The following ZFHX3 variants were observed in gnomAD, a reference collection of about 807,000 sequenced individuals.
ZFHX3 encodes the protein zinc finger homeobox protein 3.
Under a neutral mutation model 279.1 loss-of-function variants are expected in ZFHX3, and 42 were observed. The ratio of observed to expected loss-of-function variants is 0.15; its 90% confidence interval spans 0.12 to 0.19. The LOEUF (loss-of-function observed/expected upper bound fraction) is 0.19, where lower values mean the gene tolerates loss of function less well. Ranked by LOEUF, ZFHX3 falls within the 10% of genes least tolerant of loss-of-function variation. The probability of loss-of-function intolerance (pLI) is 1.00; values close to 1 mark genes in which losing one functional copy is unlikely to be tolerated. For synonymous variants in ZFHX3, 2,293 were observed against 1,957.8 expected (o/e 1.17, Z -4.52); for missense variants, 4,981 against 4,754.0 (o/e 1.05, Z -1.40).
intron 7 of ZFHX3, among the ~76,000 whole-genome samples, chr16:73,127,935 G>A (rs1966600703): frequency 6.6e-6 from 1 of 152,172 alleles, no homozygotes; most frequent in Non-Finnish European, 1.5e-5. Context: ...TGTCCCTGCT[G>A]GGTAGAAGCA....
chr16:73,098,063 G>A (rs1394456062), intron 7 of ZFHX3, among the ~76,000 whole-genome samples: 1 of 130,856 alleles, frequency 7.6e-6, no homozygotes, highest in South Asian at 2.8e-4. Flanking sequence ...TGCGTCCCTT[G>A]TGTATCTATT....
At chr16:72,813,146 C>G (rs2036511140) in intron 5 of ZFHX3, among the ~76,000 whole-genome samples, 1 of 151,872 alleles carries the variant, frequency 6.6e-6, no homozygotes, top group Non-Finnish European at 1.5e-5. Context: ...GAATATGGGA[C>G]TCCATTTTTC....
rs941036202 is a variant in ZFHX3, at chr16:73,601,408, T to G, written c.-1547+78772A>C. Among the ~76,000 whole-genome samples the G allele has an allele frequency of 1.1e-3, 167 of 150,762 alleles. 1 individual carries two copies. The highest frequency in any genetic ancestry group is 3.8e-3 in the African/African-American group (154 of 41,010). On this transcript the variant is annotated intron_variant, in intron 2 of 17. Transcript: ENST00000641206. ...TCGCTTGAACCTGGGAGGTGGAGGT[T>G]GCAGTGAGCCGAGATCACGCCGCTG...
chr16:72,875,703 G>A (rs993905990), intron 4 of ZFHX3, among the ~76,000 whole-genome samples: 3 of 152,238 alleles, frequency 2.0e-5, no homozygotes, highest in African/African-American at 7.2e-5. Context: ...TAAGTCAGGT[G>A]TAACGAGATG....
intron 1 of ZFHX3, among the ~76,000 whole-genome samples, chr16:73,763,408 AC>A (rs943582559): frequency 4.6e-5 from 7 of 152,318 alleles, no homozygotes; most frequent in African/African-American, 1.4e-4. Context: ...ATCTGCATGA[AC>A]CCATTTATGT....
chr16:73,243,361 G>A (rs1199711258), intron 5 of ZFHX3, among the ~76,000 whole-genome samples: 1 of 152,146 alleles, frequency 6.6e-6, no homozygotes, highest in African/African-American at 2.4e-5. Flanking sequence ...CCATGGCTGT[G>A]TCCCACTCAC....
At chr16:73,792,623 G>A (rs1190945489) in intron 1 of ZFHX3, among the ~76,000 whole-genome samples, 18 of 152,168 alleles carry the variant, frequency 1.2e-4, no homozygotes, top group Non-Finnish European at 2.5e-4. Context: ...CCTCCTTTAA[G>A]TTAAAAGGGT....
At chr16:73,135,767 T>C (rs1000814346) in intron 6 of ZFHX3, among the ~76,000 whole-genome samples, 28 of 152,200 alleles carry the variant, frequency 1.8e-4, no homozygotes, top group African/African-American at 5.5e-4. Flanking sequence ...TCAACTAAAG[T>C]TGAGTAGCAG....
At chr16:73,540,204 G>A (rs568320979) in intron 2 of ZFHX3, among the ~76,000 whole-genome samples, 7 of 152,320 alleles carry the variant, frequency 4.6e-5, no homozygotes, top group South Asian at 2.1e-4. Flanking sequence ...AGAGGAAAAC[G>A]TCTTTAGCAG....
chr16:73,408,612 G>T (rs1272475352), intron 3 of ZFHX3, among the ~76,000 whole-genome samples: 1 of 152,300 alleles, frequency 6.6e-6, no homozygotes, highest in Non-Finnish European at 1.5e-5. Flanking sequence ...AGAGGAACAC[G>T]AGCAGAGCGG....
intron 1 of ZFHX3, among the ~76,000 whole-genome samples, chr16:73,748,143 G>A (rs542182592): frequency 2.9e-4 from 44 of 152,118 alleles, no homozygotes; most frequent in African/African-American, 7.2e-4. Flanking sequence ...GAAATTTCAC[G>A]GGGATTTTTC....
At chr16:73,714,931 C>T (rs1387771863) in intron 1 of ZFHX3, among the ~76,000 whole-genome samples, 1 of 152,212 alleles carries the variant, frequency 6.6e-6, no homozygotes, top group Non-Finnish European at 1.5e-5. Flanking sequence ...GCAAACTATG[C>T]TAGAGTCTCA....
intron 5 of ZFHX3, among the ~76,000 whole-genome samples, chr16:73,187,142 T>TCA (rs1491472382): frequency 2.6e-4 from 23 of 87,886 alleles, no homozygotes; most frequent in African/African-American, 8.1e-4. Flanking sequence ...AAGTTGTATG[T>TCA]CTCACACACA....
intron 2 of ZFHX3, among the ~76,000 whole-genome samples, chr16:73,508,353 G>T (rs1302917199): frequency 6.6e-6 from 1 of 152,156 alleles, no homozygotes. Context: ...AAAGAAGGAG[G>T]AGAAAGAGGA....
At chr16:73,527,512 G>C (rs1043711699) in intron 2 of ZFHX3, among the ~76,000 whole-genome samples, 1 of 152,160 alleles carries the variant, frequency 6.6e-6, no homozygotes, top group African/African-American at 2.4e-5. Context: ...CGGTCTCCTG[G>C]TACTTGGGCG....
intron 7 of ZFHX3, among the ~76,000 whole-genome samples, chr16:73,096,617 C>G (rs1307094679): frequency 6.7e-6 from 1 of 150,296 alleles, no homozygotes; most frequent in African/African-American, 2.5e-5. Context: ...TTTGGCCAGG[C>G]TGGTCTCAAA....
chr16:73,524,832 TAC>T (rs1438324442), intron 2 of ZFHX3, among the ~76,000 whole-genome samples: 2 of 152,230 alleles, frequency 1.3e-5, no homozygotes, highest in African/African-American at 2.4e-5. Context: ...TCCATATTTG[TAC>T]ACAGTCTTTC....
At chr16:73,381,930 T>C (rs1357095562) in intron 3 of ZFHX3, among the ~76,000 whole-genome samples, 1 of 152,226 alleles carries the variant, frequency 6.6e-6, no homozygotes, top group Non-Finnish European at 1.5e-5. Context: ...TAAAATATTA[T>C]GGTCTCTGCT....
intron 2 of ZFHX3, among the ~76,000 whole-genome samples, chr16:73,588,402 G>C (rs1420477802): frequency 6.6e-6 from 1 of 152,082 alleles, no homozygotes; most frequent in African/African-American, 2.4e-5. Flanking sequence ...ACAAGAGAGA[G>C]GAGGCCGGTC....
Sources: gnomAD v4.1 joint callset for allele counts (sites outside exome capture counted in the v4.1 genomes callset) on GRCh38, gnomAD v4.1.1 for gene constraint, MANE v1.5 for transcripts, NCBI Gene and HGNC (gene_info 2026-07-23, HGNC 2026-07-21) for gene names.